HS6ST3: variants seen among roughly 807,000 people sequenced by gnomAD.
The protein encoded by HS6ST3 is heparan-sulfate 6-O-sulfotransferase 3.
In HS6ST3, 12 loss-of-function variants were observed where a neutral mutation model predicts 36.7. The ratio of observed to expected loss-of-function variants is 0.33; its 90% CI spans 0.21 to 0.53. The LOEUF (loss-of-function observed/expected upper bound fraction) is 0.53. Among genes scored for constraint, HS6ST3 ranks in the 20% least tolerant of loss-of-function variants. The pLI, the probability that HS6ST3 is intolerant of heterozygous loss-of-function variation, is 0.95. For synonymous variants in HS6ST3, 240 were observed against 257.5 expected, an observed-to-expected ratio of 0.93 and a Z score of 0.65; for missense variants, 584 against 640.9, an observed-to-expected ratio of 0.91 and a Z score of 0.96.
At chr13:96,272,516 A>C (rs1172900747) in intron 1 of HS6ST3, among the ~76,000 whole-genome samples, 1 of 151,988 alleles carries the variant, frequency 6.6e-6, no homozygotes, top group Non-Finnish European at 1.5e-5. Flanking sequence ...AGTTTTAGTC[A>C]TAACAGAGGA....
chr13:96,165,214 CA>C (rs1281528938), intron 1 of HS6ST3, among the ~76,000 whole-genome samples: 1 of 152,148 alleles, frequency 6.6e-6, no homozygotes. Flanking sequence ...AACACCAAAA[CA>C]AGTCTTTGAA....
intron 1 of HS6ST3, among the ~76,000 whole-genome samples, chr13:96,196,326 G>T (rs2054312504): frequency 6.6e-6 from 1 of 152,068 alleles, no homozygotes; most frequent in South Asian, 2.1e-4. Flanking sequence ...CGCCTACTTG[G>T]ATTGTAACCC....
At chr13:96,125,192 AG>A (rs1284517847) in intron 1 of HS6ST3, among the ~76,000 whole-genome samples, 1 of 152,210 alleles carries the variant, frequency 6.6e-6, no homozygotes, top group Non-Finnish European at 1.5e-5. Context: ...AAAGATAAAG[AG>A]TGAGATATAA....
intron 1 of HS6ST3, among the ~76,000 whole-genome samples, chr13:96,153,866 A>C (rs141303675): frequency 6.6e-6 from 1 of 152,212 alleles, no homozygotes; most frequent in African/African-American, 2.4e-5. Flanking sequence ...ATTTCTTGGA[A>C]TCAGTATTAG....
In HS6ST3 at chr13:96,556,456, A is replaced by AT. The variant is rs35383010; in HGVS notation, c.708-276030dup. Among the ~76,000 whole-genome samples, 321 of 152,142 alleles carry AT rather than the reference A, an allele frequency of 2.1e-3. 6 individuals carry two copies. The East Asian group carries it at 0.039, about 18-fold the overall frequency. On this transcript the variant is annotated intron_variant, in intron 1 of 1. Transcript: ENST00000376705. ...AAAGTTATTTTTCAGCATAAGCAAT[A>AT]TTTTATTTGGGTTTTACACCCATTC... is the stretch of plus-strand genomic sequence containing the variant.
intron 1 of HS6ST3, among the ~76,000 whole-genome samples, chr13:96,209,706 A>G (rs1328860961): frequency 6.6e-6 from 1 of 151,986 alleles, no homozygotes; most frequent in Non-Finnish European, 1.5e-5. Context: ...AAATATTTCA[A>G]CCTTAGTCCA....
intron 1 of HS6ST3, among the ~76,000 whole-genome samples, chr13:96,124,040 C>T (rs1168303058): frequency 1.3e-5 from 2 of 152,140 alleles, no homozygotes; most frequent in African/African-American, 4.8e-5. Context: ...GAGGTTTGAC[C>T]AGTGGCATCA....
intron 1 of HS6ST3, among the ~76,000 whole-genome samples, chr13:96,353,967 T>G (rs2055197491): frequency 6.6e-6 from 1 of 152,212 alleles, no homozygotes; most frequent in African/African-American, 2.4e-5. Flanking sequence ...CACATACTAC[T>G]GGCATTATCT....
At chr13:96,475,586 A>G (rs1460731478) in intron 1 of HS6ST3, among the ~76,000 whole-genome samples, 1 of 149,762 alleles carries the variant, frequency 6.7e-6, no homozygotes, top group Non-Finnish European at 1.5e-5. Context: ...CTGAGAAACT[A>G]GCTGCATTAC....
chr13:96,689,000 C>T (rs474736), intron 1 of HS6ST3, among the ~76,000 whole-genome samples: 1 of 152,040 alleles, frequency 6.6e-6, no homozygotes, highest in Non-Finnish European at 1.5e-5. Flanking sequence ...TTTGGGTCTT[C>T]TGCTAGGGGC....
intron 1 of HS6ST3, among the ~76,000 whole-genome samples, chr13:96,133,190 C>T (rs1367843466): frequency 6.6e-6 from 1 of 151,652 alleles, no homozygotes; most frequent in East Asian, 1.9e-4. Context: ...ATGCAGTGGC[C>T]CAATCTCAGC....
At chr13:96,316,251 A>G (rs1292695029) in intron 1 of HS6ST3, among the ~76,000 whole-genome samples, 1 of 142,580 alleles carries the variant, frequency 7.0e-6, no homozygotes, top group African/African-American at 2.7e-5. Context: ...CATGCACTAC[A>G]TACACCTGTG....
intron 1 of HS6ST3, among the ~76,000 whole-genome samples, chr13:96,804,545 G>A (rs899488036): frequency 1.3e-5 from 2 of 152,060 alleles, no homozygotes; most frequent in African/African-American, 4.8e-5. Context: ...TTCTTTAAAA[G>A]TAATATTAAA....
At chr13:96,760,508 A>G (rs981543887) in intron 1 of HS6ST3, among the ~76,000 whole-genome samples, 6 of 152,120 alleles carry the variant, frequency 3.9e-5, no homozygotes, top group African/African-American at 1.4e-4. Context: ...GCTTTGTATA[A>G]AGGTAATTTT....
intron 1 of HS6ST3, among the ~76,000 whole-genome samples, chr13:96,433,389 C>A (rs1202469737): frequency 6.6e-6 from 1 of 152,146 alleles, no homozygotes; most frequent in African/African-American, 2.4e-5. Flanking sequence ...GTAATAATCT[C>A]CATGTGTCAA....
intron 1 of HS6ST3, among the ~76,000 whole-genome samples, chr13:96,143,166 C>T (rs1594692543): frequency 6.6e-6 from 1 of 151,880 alleles, no homozygotes; most frequent in East Asian, 1.9e-4. Context: ...TGATAGCAGC[C>T]ATCAAATGCC....
intron 1 of HS6ST3, among the ~76,000 whole-genome samples, chr13:96,095,117 T>A: frequency 6.6e-6 from 1 of 152,246 alleles, no homozygotes; most frequent in East Asian, 1.9e-4. Context: ...CTAAGGTTTC[T>A]TGAGGGAATT....
chr13:96,779,495 A>G (rs1192225974), intron 1 of HS6ST3, among the ~76,000 whole-genome samples: 1 of 152,040 alleles, frequency 6.6e-6, no homozygotes, highest in African/African-American at 2.4e-5. Flanking sequence ...CAAAAAATAC[A>G]TTTGAGTTTG....
intron 1 of HS6ST3, among the ~76,000 whole-genome samples, chr13:96,399,779 A>G (rs1044221047): frequency 6.6e-6 from 1 of 152,246 alleles, no homozygotes; most frequent in Non-Finnish European, 1.5e-5. Flanking sequence ...GTTCTGACTT[A>G]CAACTGAAAG....
Sources: gnomAD v4.1 joint callset for allele counts (sites outside exome capture counted in the v4.1 genomes callset) on GRCh38, gnomAD v4.1.1 for gene constraint, MANE v1.5 for transcripts, NCBI Gene and HGNC (gene_info 2026-07-23, HGNC 2026-07-21) for gene names.